STK32A: variants seen among roughly 807,000 people sequenced by gnomAD.
STK32A encodes the protein serine/threonine kinase 32A.
In STK32A, 41 loss-of-function variants were observed where a neutral mutation model predicts 53.2. That is an observed-to-expected ratio of 0.77 (90% confidence interval 0.60 to 1.00). The LOEUF is 1.00. STK32A is among the 50% of genes least tolerant of loss of function. The probability of loss-of-function intolerance (pLI) is 0.00; values close to 1 mark genes in which losing one functional copy is unlikely to be tolerated. For missense variants in STK32A, 458 were observed against 485.8 expected (o/e 0.94, Z 0.54); for synonymous variants, 166 against 162.8 (o/e 1.02, Z -0.15).
chr5:147,292,258 G>A (rs112035798), intron 4 of STK32A, among the ~76,000 whole-genome samples: 14 of 152,306 alleles, frequency 9.2e-5, no homozygotes, highest in Admixed American at 5.9e-4. Flanking sequence ...CTGAAAGTAT[G>A]TCATTTCACC....
intron 2 of STK32A, 56 bp downstream of exon 2, chr5:147,239,742 T>C: frequency 7.6e-7 from 1 of 1,318,930 alleles, no homozygotes. Flanking sequence ...AATTCAAGTA[T>C]ATGCTTCTAG....
At chr5:147,320,844 T>C (rs1754279121) in intron 4 of STK32A, among the ~76,000 whole-genome samples, 1 of 152,126 alleles carries the variant, frequency 6.6e-6, no homozygotes, top group Non-Finnish European at 1.5e-5. Flanking sequence ...AAGGAAAAGA[T>C]CTTCAAGATA....
intron 2 of STK32A, among the ~76,000 whole-genome samples, chr5:147,244,238 C>G (rs550533271): frequency 6.6e-6 from 1 of 152,288 alleles, no homozygotes; most frequent in East Asian, 1.9e-4. Flanking sequence ...AAGTCTGAGT[C>G]GTATTCCATT....
intron 4 of STK32A, among the ~76,000 whole-genome samples, chr5:147,304,827 T>C (rs1753324108): frequency 6.6e-6 from 1 of 152,146 alleles, no homozygotes; most frequent in African/African-American, 2.4e-5. Context: ...GCAGACCCCT[T>C]ACTTGAGAAG....
At chr5:147,389,313 C>T (rs931964566), downstream of STK32A, among the ~76,000 whole-genome samples, 1 of 152,110 alleles carries the variant, frequency 6.6e-6, no homozygotes, top group Non-Finnish European at 1.5e-5. Context: ...TGCATCCATC[C>T]CTCTTCAGTT....
intron 7 of STK32A, among the ~76,000 whole-genome samples, chr5:147,353,138 C>T (rs1344542041): frequency 1.4e-5 from 2 of 142,826 alleles, no homozygotes; most frequent in East Asian, 2.2e-4. Flanking sequence ...CCCTCTGCCT[C>T]GACTACCCTT....
chr5:147,365,231 GATGA>G (rs1756689014), intron 8 of STK32A, among the ~76,000 whole-genome samples: 1 of 152,120 alleles, frequency 6.6e-6, no homozygotes, highest in African/African-American at 2.4e-5. Context: ...GGAAATCAAA[GATGA>G]GTGTTTCTAA....
intron 11 of STK32A, among the ~76,000 whole-genome samples, chr5:147,376,416 C>G (rs1045146440): frequency 3.3e-5 from 5 of 152,082 alleles, no homozygotes; most frequent in Admixed American, 2.0e-4. Flanking sequence ...TGCTCCTTCC[C>G]CTGACCTAGC....
intron 2 of STK32A, among the ~76,000 whole-genome samples, chr5:147,267,927 C>T (rs1274446077): frequency 6.6e-6 from 1 of 152,126 alleles, no homozygotes; most frequent in Non-Finnish European, 1.5e-5. Context: ...AGAGATTTCT[C>T]CCACCTTAGA....
At chr5:147,244,033 C>T in intron 2 of STK32A, among the ~76,000 whole-genome samples, 1 of 149,846 alleles carries the variant, frequency 6.7e-6, no homozygotes, top group African/African-American at 2.5e-5. Flanking sequence ...GAAACAATAA[C>T]ATCCACATTC....
rs535007797 is a variant in STK32A at position 147,330,426 on chromosome 5, C to G, written c.434+6355C>G. On this transcript the variant is annotated intron_variant, in intron 5 of 12. Coordinates refer to ENST00000397936, the MANE Select transcript of STK32A (RefSeq NM_001112724.2). ...GACCATCACATCTGCCATGTAATGT[C>G]GGTTAGAAACAAACCATGGAACCAG... is the stretch of plus-strand genomic sequence containing the variant. Among the ~76,000 whole-genome samples the G allele has an allele frequency of 1.3e-5, 2 of 152,292 alleles. 1 individual carries two copies. The highest frequency in any genetic ancestry group is 4.1e-4 in the South Asian group (2 of 4,824).
At chr5:147,294,300 T>C (rs1159862175) in intron 4 of STK32A, among the ~76,000 whole-genome samples, 1 of 152,226 alleles carries the variant, frequency 6.6e-6, no homozygotes, top group Non-Finnish European at 1.5e-5. Flanking sequence ...AGTCTCACTC[T>C]GCCCAGCCTG....
At chr5:147,330,807 G>A (rs1369712577) in intron 5 of STK32A, among the ~76,000 whole-genome samples, 2 of 152,178 alleles carry the variant, frequency 1.3e-5, no homozygotes, top group Non-Finnish European at 2.9e-5. Context: ...CCTGTCTACA[G>A]AGCCTGTGAT....
At chr5:147,401,677 C>T in the STK32A span, 1 of 1,614,088 alleles carries the variant, frequency 6.2e-7, no homozygotes, top group Non-Finnish European at 8.5e-7. Context: ...CAGTGATGGG[C>T]TCACCAAAGA....
At chr5:147,250,529 G>A (rs996205926) in intron 2 of STK32A, among the ~76,000 whole-genome samples, 2 of 152,130 alleles carry the variant, frequency 1.3e-5, no homozygotes, top group African/African-American at 2.4e-5. Flanking sequence ...TGACTAAGTC[G>A]GTGAGAAAAA....
the STK32A span, among the ~76,000 whole-genome samples, chr5:147,394,474 T>C: frequency 6.6e-6 from 1 of 152,108 alleles, no homozygotes; most frequent in East Asian, 1.9e-4. Context: ...CCACCATGGT[T>C]TGAGAGAGGT....
chr5:147,265,540 A>G (rs1754768520), intron 2 of STK32A, among the ~76,000 whole-genome samples: 1 of 152,352 alleles, frequency 6.6e-6, no homozygotes, highest in East Asian at 1.9e-4. Context: ...TACAAAAATG[A>G]AACAAGGGAC....
At chr5:147,375,680 A>C (rs1416873239) in intron 11 of STK32A, 1 of 153,550 alleles carries the variant, frequency 6.5e-6, no homozygotes. Context: ...ATTTTATGAT[A>C]TCAAGCCTCA....
intron 2 of STK32A, among the ~76,000 whole-genome samples, chr5:147,251,096 A>G (rs982432945): frequency 3.9e-5 from 6 of 152,200 alleles, no homozygotes; most frequent in Admixed American, 2.6e-4. Flanking sequence ...ATGAGGTACT[A>G]GAGCATGTAA....
Sources: gnomAD v4.1 joint callset for allele counts (sites outside exome capture counted in the v4.1 genomes callset) on GRCh38, gnomAD v4.1.1 for gene constraint, MANE v1.5 for transcripts, NCBI Gene and HGNC (gene_info 2026-07-23, HGNC 2026-07-21) for gene names.